Variants in SDHC observed in about 807,000 individuals in gnomAD.
The protein encoded by SDHC is succinate dehydrogenase cytochrome b560 subunit, mitochondrial.
SDHC carries 11 observed loss-of-function variants against 22.6 expected under a neutral mutation model. That is an observed-to-expected ratio of 0.49 (90% CI 0.31 to 0.81). The LOEUF is 0.81. Among genes scored for constraint, SDHC ranks in the 30% least tolerant of loss-of-function variants. The pLI, the probability that SDHC is intolerant of heterozygous loss-of-function variation, is 0.05. For missense variants in SDHC, 160 were observed against 212.0 expected (o/e 0.75, Z 1.52); for synonymous variants, 80 against 77.8 (o/e 1.03, Z -0.15).
chr1:161,322,909 G>A (rs1670889896), intron 1 of SDHC, among the ~76,000 whole-genome samples: 1 of 152,078 alleles, frequency 6.6e-6, no homozygotes, highest in African/African-American at 2.4e-5. Flanking sequence ...CTAAAGCTAA[G>A]CTATATGGTT....
intron 2 of SDHC, among the ~76,000 whole-genome samples, chr1:161,324,908 G>C (rs1376611289): frequency 3.3e-5 from 5 of 152,044 alleles, no homozygotes; most frequent in Non-Finnish European, 5.9e-5. Flanking sequence ...ATATTTCATA[G>C]AAATATAATC....
intron 3 of SDHC, among the ~76,000 whole-genome samples, chr1:161,332,950 A>T (rs1466977870): frequency 6.6e-6 from 1 of 152,088 alleles, no homozygotes; most frequent in African/African-American, 2.4e-5. Context: ...GAATGTTTTC[A>T]TCACTCCAGA....
rs187625720 is a variant in SDHC at position 161,316,007 on chromosome 1, C to G, written c.20+1582C>G. On this transcript the variant is annotated intron_variant, in intron 1 of 5. Transcript: ENST00000367975. ...AAGTGGTGTGCTTTAGATACGTATA[C>G]ACATAAACATCTCAATGCCTTGAAG... Among the ~76,000 whole-genome samples, 10 of 152,268 alleles carry G rather than the reference C, an allele frequency of 6.6e-5. No individual in the cohort carries two copies. The East Asian group carries it at 1.9e-3, about 29-fold the overall frequency.
At chr1:161,359,157 G>T (rs16832850) in intron 5 of SDHC, among the ~76,000 whole-genome samples, 5,402 of 151,698 alleles carry the variant, frequency 0.036, 196 homozygotes, top group East Asian at 0.17. Flanking sequence ...CTTCCAAGAA[G>T]GCAATTAAAA....
chr1:161,321,399 G>T (rs1670831035), intron 1 of SDHC, among the ~76,000 whole-genome samples: 1 of 152,158 alleles, frequency 6.6e-6, no homozygotes, highest in African/African-American at 2.4e-5. Flanking sequence ...TGAGGGCCTT[G>T]TAGAAAGTTT....
chr1:161,320,223 G>T (rs945097595), intron 1 of SDHC, among the ~76,000 whole-genome samples: 11 of 144,142 alleles, frequency 7.6e-5, no homozygotes, highest in Admixed American at 6.7e-5. Context: ...GCCATCATAT[G>T]GGGGGGGTGG....
intron 3 of SDHC, among the ~76,000 whole-genome samples, chr1:161,336,899 T>TCC (rs944310964): frequency 1.3e-5 from 2 of 152,020 alleles, no homozygotes; most frequent in African/African-American, 4.8e-5. Context: ...AGGCAGAGTC[T>TCC]CCCTCTGTTA....
At chr1:161,353,417 T>C (rs1672158439) in intron 4 of SDHC, among the ~76,000 whole-genome samples, 1 of 152,182 alleles carries the variant, frequency 6.6e-6, no homozygotes, top group Admixed American at 6.5e-5. Flanking sequence ...TTGAATTTCC[T>C]ATCAAAACTA....
chr1:161,362,281 T>C (rs1429151809), intron 5 of SDHC, 48 bp from the exon 6 acceptor site: 2 of 1,584,896 alleles, frequency 1.3e-6, no homozygotes, highest in Non-Finnish European at 1.7e-6. Flanking sequence ...GAACTGTTAA[T>C]GTCCTATTTA....
intron 1 of SDHC, 152 bp downstream of exon 1, chr1:161,314,577 C>G (rs1408988371): frequency 3.4e-6 from 3 of 878,534 alleles, no homozygotes; most frequent in Non-Finnish European, 5.5e-6. Flanking sequence ...CTAGAGACCC[C>G]TTTTCCCGTC....
chr1:161,333,732 T>C (rs1031925366), intron 3 of SDHC, among the ~76,000 whole-genome samples: 3 of 152,210 alleles, frequency 2.0e-5, no homozygotes, highest in East Asian at 1.9e-4. Flanking sequence ...ACTACCAGAC[T>C]GTTTTCCAAA....
chr1:161,340,866 CAG>C (rs1438268713), intron 4 of SDHC, among the ~76,000 whole-genome samples: 8 of 152,090 alleles, frequency 5.3e-5, no homozygotes, highest in African/African-American at 1.7e-4. Context: ...CTTTTTGAGA[CAG>C]AGTCTTGCTC....
intron 4 of SDHC, among the ~76,000 whole-genome samples, chr1:161,343,136 T>G (rs1442579484): frequency 6.6e-6 from 1 of 152,194 alleles, no homozygotes; most frequent in Non-Finnish European, 1.5e-5. Context: ...TTCTATTGAC[T>G]TTTGCTTTGT....
chr1:161,328,384 GTTTTA>G lies in SDHC; in HGVS notation c.78-6_78-2del. 6.3e-7 allele frequency: 1 copy of G among 1,591,316 alleles called. No individual in the cohort carries two copies. The highest frequency in any genetic ancestry group is 8.6e-7 in the Non-Finnish European group (1 of 1,159,778). Reference sequence around the variant, plus strand: ...CTTTTAGTTATTTTCAAACGGTCTGGTTTTATTTTAGTGCTGTTCCTTTGGGAACC... The same window carrying G: ...CTTTTAGTTATTTTCAAACGGTCTGGTTTTAGTGCTGTTCCTTTGGGAACC... On this transcript the variant is annotated splice_region_variant and splice_polypyrimidine_tract_variant and intron_variant, in intron 2 of 5. Transcript: ENST00000367975.
chr1:161,357,561 G>T (rs909337247), intron 5 of SDHC, among the ~76,000 whole-genome samples: 1 of 118,300 alleles, frequency 8.5e-6, no homozygotes, highest in African/African-American at 4.0e-5. Context: ...CACCACGCCC[G>T]GCTAATTTTT....
At chr1:161,362,303 T>G in intron 5 of SDHC, 26 bp from the exon 6 acceptor site, 2 of 658,240 alleles carry the variant, frequency 3.0e-6, no homozygotes, top group East Asian at 9.3e-5. Context: ...TGAAATTCCT[T>G]TTTTTTTTTT....
At chr1:161,354,324 A>C (rs1241933870) in intron 4 of SDHC, among the ~76,000 whole-genome samples, 1 of 152,246 alleles carries the variant, frequency 6.6e-6, no homozygotes, top group Non-Finnish European at 1.5e-5. Context: ...CATTGAAAGA[A>C]ATCTAACATC....
intron 1 of SDHC, chr1:161,314,676 C>T (rs1304252963): frequency 8.5e-6 from 5 of 585,016 alleles, no homozygotes; most frequent in East Asian, 8.4e-5. Context: ...TTCTGTTTTC[C>T]CCACCTCCTC....
intron 1 of SDHC, among the ~76,000 whole-genome samples, chr1:161,316,555 C>A (rs1192879066): frequency 6.6e-6 from 1 of 152,202 alleles, no homozygotes; most frequent in African/African-American, 2.4e-5. Flanking sequence ...CTTATGTCTG[C>A]TTTCTATACG....
Sources: allele counts gnomAD v4.1 joint callset (sites outside exome capture counted in the v4.1 genomes callset), GRCh38; gene constraint gnomAD v4.1.1; transcripts MANE v1.5; gene names NCBI Gene and HGNC (gene_info 2026-07-23, HGNC 2026-07-21).